AKIRIN2: variants seen among roughly 807,000 people sequenced by gnomAD.
AKIRIN2 encodes akirin 2, also known as akirin-2.
AKIRIN2 carries 6 observed loss-of-function variants against 29.3 expected under a neutral mutation model. The ratio of observed to expected loss-of-function variants is 0.20; its 90% confidence interval spans 0.11 to 0.40. The LOEUF is 0.40. Among genes scored for constraint, AKIRIN2 ranks in the 10% least tolerant of loss-of-function variants. AKIRIN2 has a pLI of 1.00. For missense variants in AKIRIN2, 210 were observed against 276.1 expected, an observed-to-expected ratio of 0.76 and a Z score of 1.70; for synonymous variants, 128 against 117.5, an observed-to-expected ratio of 1.09 and a Z score of -0.58.
chr6:87,678,324 C>T (rs189997243), intron 2 of AKIRIN2, among the ~76,000 whole-genome samples: 12 of 143,788 alleles, frequency 8.3e-5, no homozygotes, highest in African/African-American at 3.2e-4. Context: ...ATGGTGAAAC[C>T]CTGCCTCTAC....
Position 87,701,526 on chromosome 6 carries a change from A to G in AKIRIN2, c.159T>C (p.Ala53=). ...GATACTTCTGCGGCGAGGCGGCCGC[A>G]GCGGAGAAGGAGGCGGCGGTGGCCG... ...AAAATAASFS[A]AAASPQKYLR... Residue 53 remains alanine (A), a synonymous_variant, in exon 1 of 5, where the codon GCT becomes GCC. Coordinates refer to ENST00000257787, the MANE Select transcript of AKIRIN2 (RefSeq NM_018064.4). 6.9e-7 allele frequency: 1 copy of G among 1,445,652 alleles called. No individual in the cohort carries two copies. Among genetic ancestry groups the G allele is most frequent in the Non-Finnish European group, 9.1e-7 (1 of 1,099,988 alleles). The allele number at this position is 1,445,652 out of a possible 1,614,324, so 89.6% of individuals were successfully genotyped here. A position where few individuals can be genotyped will look rare whatever the true frequency, so the allele number is the denominator to read the frequency against.
At chr6:87,698,672 C>A (rs1052694657) in intron 1 of AKIRIN2, among the ~76,000 whole-genome samples, 1 of 152,162 alleles carries the variant, frequency 6.6e-6, no homozygotes, top group African/African-American at 2.4e-5. Context: ...TTCATAATGC[C>A]AATTAGCATA....
intron 1 of AKIRIN2, among the ~76,000 whole-genome samples, chr6:87,685,032 C>T (rs545291441): frequency 6.6e-6 from 1 of 152,318 alleles, no homozygotes; most frequent in African/African-American, 2.4e-5. Context: ...CTTGCCAACA[C>T]TTGATATTGT....
chr6:87,695,771 T>C (rs952871697), intron 1 of AKIRIN2, among the ~76,000 whole-genome samples: 3 of 152,236 alleles, frequency 2.0e-5, no homozygotes, highest in African/African-American at 7.2e-5. Context: ...GAAAAATCTC[T>C]TTTCAAATAG....
At chr6:87,693,466 A>G (rs1771310219) in intron 1 of AKIRIN2, among the ~76,000 whole-genome samples, 1 of 152,154 alleles carries the variant, frequency 6.6e-6, no homozygotes, top group African/African-American at 2.4e-5. Context: ...GCGGTGGCTC[A>G]CGCCTGTAAT....
At chr6:87,693,639 C>T (rs1274507262) in intron 1 of AKIRIN2, among the ~76,000 whole-genome samples, 2 of 150,978 alleles carry the variant, frequency 1.3e-5, no homozygotes, top group African/African-American at 2.4e-5. Context: ...GCAGGAGAAT[C>T]GCTTGACCCC....
intron 1 of AKIRIN2, among the ~76,000 whole-genome samples, chr6:87,701,050 G>A (rs898253360): frequency 6.6e-6 from 1 of 151,398 alleles, no homozygotes; most frequent in African/African-American, 2.4e-5. Flanking sequence ...ATCGATTACG[G>A]CAAGCACACA....
intron 1 of AKIRIN2, among the ~76,000 whole-genome samples, chr6:87,693,879 T>C (rs550607643): frequency 6.6e-6 from 1 of 152,076 alleles, no homozygotes; most frequent in Non-Finnish European, 1.5e-5. Flanking sequence ...CCCCTCTCTA[T>C]CATAGCAACT....
intron 1 of AKIRIN2, among the ~76,000 whole-genome samples, chr6:87,688,308 T>G (rs1161332489): frequency 1.3e-5 from 2 of 152,142 alleles, no homozygotes; most frequent in Non-Finnish European, 2.9e-5. Context: ...ATTTTTGTAT[T>G]TTTAGTAGAG....
At position 87,675,831 on chromosome 6, in the gene AKIRIN2, G is replaced by C. The variant is rs769080762; in HGVS notation, c.601+29C>G. ...TCCTTAAAAGACAGTCTTATTTTCAGTTTATAACTTCAAAGGTGAAATACT... is the reference window on the plus strand; with the variant it reads ...TCCTTAAAAGACAGTCTTATTTTCACTTTATAACTTCAAAGGTGAAATACT... On this transcript the variant is annotated intron_variant, in intron 4 of 4. Coordinates refer to ENST00000257787, the MANE Select transcript of AKIRIN2 (RefSeq NM_018064.4). 1.0e-5 allele frequency: 16 copies of C among 1,593,862 alleles called. No individual in the cohort carries two copies. In the African/African-American group the frequency reaches 2.2e-4, roughly 22 times the overall value.
In AKIRIN2 at chr6:87,701,437, G is replaced by C; in HGVS notation, c.235+13C>G. ...CTCTCCACTACCCCGGCGGCCGCGG[G>C]GCCGGGTCCCACCTGTGGTGAGGCG... On this transcript the variant is annotated intron_variant, in intron 1 of 4. Coordinates refer to ENST00000257787, the MANE Select transcript of AKIRIN2 (RefSeq NM_018064.4). The C allele has an allele frequency of 6.5e-7, 1 of 1,531,212 alleles. No homozygotes were observed. The highest frequency in any genetic ancestry group is 8.8e-7 in the Non-Finnish European group (1 of 1,141,120). The allele number at this position is 1,531,212 out of a possible 1,614,324, so 94.9% of individuals were successfully genotyped here.
In AKIRIN2 at chr6:87,702,030, T is replaced by G. The variant is rs1246677545; in HGVS notation, c.-346A>C. On this transcript the variant is annotated 5_prime_UTR_variant, in exon 1 of 5. Transcript: ENST00000257787. Reference sequence around the variant, plus strand: ...GTCCGCTCGAGCTTTGCGCCGCGCCTGAGGCGCTTCTGTGCTGAGACTAGA... The same window carrying G: ...GTCCGCTCGAGCTTTGCGCCGCGCCGGAGGCGCTTCTGTGCTGAGACTAGA... The G allele has an allele frequency of 7.4e-6, 3 of 403,736 alleles. No homozygotes were observed. Among genetic ancestry groups the G allele is most frequent in the Non-Finnish European group, 1.3e-5 (3 of 229,108 alleles). 25.0% of individuals were successfully genotyped at this position (403,736 alleles called of 1,614,324 possible).
intron 1 of AKIRIN2, among the ~76,000 whole-genome samples, chr6:87,688,546 G>T (rs1464930224): frequency 6.6e-6 from 1 of 152,132 alleles, no homozygotes; most frequent in Non-Finnish European, 1.5e-5. Context: ...GGGAGTTAAA[G>T]ATCAGCCTGA....
rs1330414496 is a variant in AKIRIN2, at chr6:87,701,697, C to A, written c.-13G>T. 2.8e-6 allele frequency: 4 copies of A among 1,438,978 alleles called. No individual in the cohort carries two copies. In the East Asian group the frequency reaches 1.1e-4, roughly 40 times the overall value. 89.1% of individuals were successfully genotyped at this position (1,438,978 alleles called of 1,614,324 possible). On this transcript the variant is annotated 5_prime_UTR_variant, in exon 1 of 5. Coordinates refer to ENST00000257787, the MANE Select transcript of AKIRIN2 (RefSeq NM_018064.4). ...CTCCGCACGCCATGGCCGGGGGCAGCTGAGGCGCCGGGCTCGGGTGGGGTC... is the reference window on the plus strand; with the variant it reads ...CTCCGCACGCCATGGCCGGGGGCAGATGAGGCGCCGGGCTCGGGTGGGGTC...
intron 2 of AKIRIN2, among the ~76,000 whole-genome samples, chr6:87,679,819 G>GT (rs1771089362): frequency 6.6e-6 from 1 of 152,202 alleles, no homozygotes. Context: ...AACATCTACT[G>GT]TAATACTGCT....
chr6:87,697,190 G>C (rs946776590), intron 1 of AKIRIN2, among the ~76,000 whole-genome samples: 3 of 151,780 alleles, frequency 2.0e-5, no homozygotes, highest in Non-Finnish European at 2.9e-5. Context: ...GCGCACGCCT[G>C]TAATCCCAGC....
At chr6:87,690,327 A>C (rs1166118155) in intron 1 of AKIRIN2, among the ~76,000 whole-genome samples, 1 of 152,262 alleles carries the variant, frequency 6.6e-6, no homozygotes, top group Admixed American at 6.5e-5. Context: ...ATTAGCAGCA[A>C]GGTTATTACA....
intron 2 of AKIRIN2, among the ~76,000 whole-genome samples, chr6:87,680,680 A>C (rs1771105378): frequency 6.6e-6 from 1 of 151,950 alleles, no homozygotes; most frequent in Non-Finnish European, 1.5e-5. Context: ...TGAGAACTTT[A>C]CTAAAGATAA....
chr6:87,692,315 G>A lies in AKIRIN2; in HGVS notation c.235+9135C>T, dbSNP rs189462136. 7.9e-4 allele frequency among the ~76,000 whole-genome samples: 121 copies of A among 152,208 alleles called. 1 individual carries two copies. The highest frequency in any genetic ancestry group is 1.4e-3 in the Non-Finnish European group (96 of 68,024). On this transcript the variant is annotated intron_variant, in intron 1 of 4. Coordinates refer to ENST00000257787, the MANE Select transcript of AKIRIN2 (RefSeq NM_018064.4). ...ATGCTCTTAATTCTCACAACCCTAA[G>A]AGGCATATGCTACTATCATCATGTG...
Sources: allele counts gnomAD v4.1 joint callset (sites outside exome capture counted in the v4.1 genomes callset), GRCh38; gene constraint gnomAD v4.1.1; transcripts MANE v1.5; gene names NCBI Gene and HGNC (gene_info 2026-07-23, HGNC 2026-07-21).